The following WRN variants were observed in gnomAD, a reference collection of about 807,000 sequenced individuals.
WRN encodes bifunctional 3'-5' exonuclease/ATP-dependent helicase WRN.
In WRN, 149 loss-of-function variants were observed where a neutral mutation model predicts 180.7. That is an observed-to-expected ratio of 0.82 (90% CI 0.72 to 0.94). The LOEUF (loss-of-function observed/expected upper bound fraction) is 0.94, where lower values mean the gene tolerates loss of function less well. Among genes scored for constraint, WRN ranks in the 40% least tolerant of loss-of-function variants. The pLI, the probability that WRN is intolerant of heterozygous loss-of-function variation, is 0.00. For missense variants in WRN, 1,661 were observed against 1,700.1 expected (o/e 0.98, Z 0.40); for synonymous variants, 548 against 568.9 (o/e 0.96, Z 0.52).
At chr8:31,172,216 C>T (rs528599933) in intron 34 of WRN, among the ~76,000 whole-genome samples, 31 of 151,992 alleles carry the variant, frequency 2.0e-4, no homozygotes, top group Admixed American at 7.2e-4. Flanking sequence ...AGTGCAGTGG[C>T]GTGATTATAG....
intron 1 of WRN, among the ~76,000 whole-genome samples, chr8:31,054,922 C>G (rs1812209106): frequency 6.6e-6 from 1 of 152,092 alleles, no homozygotes; most frequent in Admixed American, 6.6e-5. Flanking sequence ...GTGTTGTTCC[C>G]CATGTATTCT....
chr8:31,064,812 C>A (rs1301740436), intron 4 of WRN, 103 bp from the exon 5 acceptor site: 2 of 1,317,574 alleles, frequency 1.5e-6, no homozygotes, highest in Admixed American at 2.1e-5. Flanking sequence ...TTTAAAATTA[C>A]TGTTAAATAC....
chr8:31,143,643 T>A lies in WRN; in HGVS notation c.3383+20T>A. On this transcript the variant is annotated intron_variant, in intron 28 of 34. Coordinates refer to ENST00000298139, the MANE Select transcript of WRN (RefSeq NM_000553.6). Reference sequence around the variant, plus strand: ...AAAAAGGTACAGAGTTCCATATTTCTATGTTCTATACTTGCTTTATGAGTA... The same window carrying A: ...AAAAAGGTACAGAGTTCCATATTTCAATGTTCTATACTTGCTTTATGAGTA... 1 of 1,527,026 alleles carries A rather than the reference T, an allele frequency of 6.5e-7. No homozygotes were observed. The highest frequency in any genetic ancestry group is 2.3e-5 in the East Asian group (1 of 44,204). 94.6% of individuals were successfully genotyped at this position (1,527,026 alleles called of 1,614,324 possible). A position where few individuals can be genotyped will look rare whatever the true frequency, so the allele number is the denominator to read the frequency against.
chr8:31,056,357 C>T (rs1812273337), intron 1 of WRN, among the ~76,000 whole-genome samples: 1 of 152,142 alleles, frequency 6.6e-6, no homozygotes. Flanking sequence ...CAACTTTTGG[C>T]TTCTCCTGTC....
At chr8:31,064,466 C>A in intron 4 of WRN, 32 bp downstream of exon 4, 1 of 1,613,460 alleles carries the variant, frequency 6.2e-7, no homozygotes, top group Non-Finnish European at 8.5e-7. Context: ...TTTTATATGG[C>A]TGATAATTGT....
intron 12 of WRN, among the ~76,000 whole-genome samples, chr8:31,088,380 G>T (rs1456894871): frequency 6.6e-6 from 1 of 152,082 alleles, no homozygotes; most frequent in Admixed American, 6.6e-5. Context: ...AAAGATGTGG[G>T]TAACTAACTT....
chr8:31,084,946 A>G (rs1813466214), intron 10 of WRN, among the ~76,000 whole-genome samples: 1 of 152,030 alleles, frequency 6.6e-6, no homozygotes, highest in Non-Finnish European at 1.5e-5. Flanking sequence ...CTAACTTTGT[A>G]TTCCTATTTC....
chr8:31,126,963 A>G (rs1232027004), intron 23 of WRN, among the ~76,000 whole-genome samples: 1 of 152,190 alleles, frequency 6.6e-6, no homozygotes, highest in East Asian at 1.9e-4. Context: ...CTCAGAACAT[A>G]ACTTTAATAA....
At chr8:31,069,855 G>A (rs1001583297) in intron 7 of WRN, among the ~76,000 whole-genome samples, 1 of 151,926 alleles carries the variant, frequency 6.6e-6, no homozygotes, top group African/African-American at 2.4e-5. Context: ...TGATTTTTTG[G>A]CTTTATGGTT....
At chr8:31,121,427 G>T (rs1030956808) in intron 21 of WRN, among the ~76,000 whole-genome samples, 2 of 151,942 alleles carry the variant, frequency 1.3e-5, no homozygotes, top group Non-Finnish European at 2.9e-5. Context: ...GAAAAGCAAA[G>T]TACCTGCTTC....
At chr8:31,118,833 G>A (rs141444592) in intron 20 of WRN, among the ~76,000 whole-genome samples, 4 of 151,430 alleles carry the variant, frequency 2.6e-5, no homozygotes, top group Admixed American at 2.6e-4. Flanking sequence ...GTATCTTTTT[G>A]TATTTCATTT....
intron 16 of WRN, among the ~76,000 whole-genome samples, chr8:31,095,608 A>C (rs1013101530): frequency 1.3e-5 from 2 of 152,182 alleles, no homozygotes; most frequent in Non-Finnish European, 2.9e-5. Context: ...TGTATTTTTC[A>C]CATATTGTTC....
chr8:31,128,634 TGGATCCCGA>T, intron 23 of WRN, among the ~76,000 whole-genome samples: 2 of 152,022 alleles, frequency 1.3e-5, no homozygotes, highest in South Asian at 4.2e-4. Context: ...CCGAGGCGGG[TGGATCCCGA>T]GGTCAGGAGA....
At chr8:31,124,879 T>C in intron 22 of WRN, 29 bp from the exon 23 acceptor site, 1 of 1,589,582 alleles carries the variant, frequency 6.3e-7, no homozygotes, top group Non-Finnish European at 8.6e-7. Flanking sequence ...TCTGTTCTTT[T>C]ATTTAATTTA....
chr8:31,088,302 T>C lies in WRN; in HGVS notation c.1576+382T>C, dbSNP rs1163300196. Among the ~76,000 whole-genome samples, 4 of 152,290 alleles carry C rather than the reference T, an allele frequency of 2.6e-5. No homozygotes were observed. In the South Asian group the frequency reaches 8.3e-4, roughly 32 times the overall value. On this transcript the variant is annotated intron_variant, in intron 12 of 34. Transcript: ENST00000298139. ...ACTCAGGAATCTTTCAAGCTCACTG[T>C]GGACAGGGAAAGTGACTTGGGTAGA...
At chr8:31,076,569 T>C (rs937555005) in intron 8 of WRN, among the ~76,000 whole-genome samples, 26 of 152,166 alleles carry the variant, frequency 1.7e-4, no homozygotes, top group Admixed American at 6.5e-5. Context: ...ATCTATATTA[T>C]ATTTTTTGTC....
At chr8:31,154,546 A>G in intron 31 of WRN, 78 bp from the exon 32 acceptor site, 1 of 1,475,570 alleles carries the variant, frequency 6.8e-7, no homozygotes, top group Non-Finnish European at 9.1e-7. Flanking sequence ...TTTTTTTCTT[A>G]ATGGCTAATT....
intron 19 of WRN, among the ~76,000 whole-genome samples, chr8:31,114,893 G>GATTTTTT (rs764937166): frequency 1.5e-5 from 2 of 136,174 alleles, no homozygotes; most frequent in Non-Finnish European, 3.2e-5. Context: ...TTTAAAATAA[G>GATTTTTT]GTTTTTTTTT....
chr8:31,147,102 A>C lies in WRN; in HGVS notation c.3433A>C (p.Ile1145Leu), dbSNP rs756835995. The C allele has an allele frequency of 6.2e-7, 1 of 1,613,924 alleles. No individual in the cohort carries two copies. Among genetic ancestry groups the C allele is most frequent in the Non-Finnish European group, 8.5e-7 (1 of 1,179,858 alleles). The change falls in exon 29 of 35, where the codon ATT (isoleucine) becomes CTT (leucine). Residue 1145 changes from isoleucine to leucine, a missense_variant. Around this residue, in one of 3 missense-constraint regions of WRN, gnomAD observed 1,141 missense variants for 1,149.4 expected, o/e 0.99. Transcript: ENST00000298139. ...EKAYSSSQPV[I>L]SAQEQETQIV... ...AGCTTACAGTTCCTCACAGCCTGTTATTTCGGCACAAGAGCAGGAGACTCA... is the reference window on the plus strand; with the variant it reads ...AGCTTACAGTTCCTCACAGCCTGTTCTTTCGGCACAAGAGCAGGAGACTCA...
Sources: allele counts gnomAD v4.1 joint callset (sites outside exome capture counted in the v4.1 genomes callset), GRCh38; gene constraint gnomAD v4.1.1; regional missense constraint gnomAD v4.1.1; transcripts MANE v1.5; gene names NCBI Gene and HGNC (gene_info 2026-07-23, HGNC 2026-07-21).